The following ZNF518A variants were observed in gnomAD, a reference collection of about 807,000 sequenced individuals.
ZNF518A encodes zinc finger protein 518A.
In ZNF518A, 47 loss-of-function variants were observed where a neutral mutation model predicts 102.7. The observed-to-expected ratio is 0.46, with a 90% confidence interval of 0.36 to 0.58. The LOEUF is 0.58. Among genes scored for constraint, ZNF518A ranks in the 20% least tolerant of loss-of-function variants. ZNF518A has a pLI of 0.00. For synonymous variants in ZNF518A, 652 were observed against 594.6 expected (o/e 1.10, Z -1.40); for missense variants, 1,793 against 1,699.8 (o/e 1.05, Z -0.96).
At chr10:96,143,001 T>C (rs1268051491) in intron 3 of ZNF518A, among the ~76,000 whole-genome samples, 3 of 152,076 alleles carry the variant, frequency 2.0e-5, no homozygotes, top group African/African-American at 7.2e-5. Context: ...ACAGATGGGG[T>C]TTCGCCATGT....
chr10:96,190,218 A>G, intron 1 of ZNF518A: 3 of 763,370 alleles, frequency 3.9e-6, no homozygotes, highest in South Asian at 1.3e-5. Context: ...CGAATCTTCC[A>G]TCAGGTGGCG....
upstream of ZNF518A, chr10:96,130,068 G>A (rs1449936885): frequency 2.0e-5 from 3 of 152,818 alleles, no homozygotes; most frequent in African/African-American, 4.8e-5. Flanking sequence ...TACCCGGATG[G>A]AAGTGTAATG....
intron 1 of ZNF518A, among the ~76,000 whole-genome samples, chr10:96,201,567 G>A (rs1300421715): frequency 1.3e-5 from 2 of 152,024 alleles, no homozygotes; most frequent in African/African-American, 2.4e-5. Flanking sequence ...AAAATACTAG[G>A]TATCAATAGA....
At chr10:96,175,892 TTCCTTCCTTCC>T (rs1554891410) in intron 1 of ZNF518A, among the ~76,000 whole-genome samples, 1 of 66,342 alleles carries the variant, frequency 1.5e-5, no homozygotes, top group African/African-American at 4.6e-5. Context: ...CCTTCCTTCC[TTCCTTCCTTCC>T]TTCCTTCCTT....
Position 96,160,082 on chromosome 10 carries a change from A to AT in ZNF518A, c.3766dup (p.Ser1256PhefsTer9). 1.2e-6 allele frequency: 2 copies of AT among 1,608,110 alleles called. No homozygotes were observed. ...CAATAGAAAAAAGACTTCCAAAAAA[A>AT]TTTTTTCAAAAACAAAAACTCATGG... On this transcript the variant is annotated frameshift_variant, in exon 6 of 6. Transcript: ENST00000316045. LOFTEE classifies it high-confidence loss of function.
At chr10:96,198,155 G>C (rs151050761) in intron 1 of ZNF518A, among the ~76,000 whole-genome samples, 1 of 152,126 alleles carries the variant, frequency 6.6e-6, no homozygotes, top group African/African-American at 2.4e-5. Flanking sequence ...CAAGGGACGA[G>C]AGCTTCAAAT....
chr10:96,137,921 T>C (rs892216003), intron 3 of ZNF518A, among the ~76,000 whole-genome samples: 2 of 152,184 alleles, frequency 1.3e-5, no homozygotes, highest in Non-Finnish European at 2.9e-5. Flanking sequence ...ATGGAACTTT[T>C]GATAAACTTT....
chr10:96,136,018 T>G (rs1256490360), intron 3 of ZNF518A, among the ~76,000 whole-genome samples: 6 of 152,116 alleles, frequency 3.9e-5, no homozygotes, highest in Non-Finnish European at 8.8e-5. Flanking sequence ...TGATCCAGGT[T>G]GGAGTGGAGA....
At chr10:96,130,945 T>G (rs2081304286) in intron 1 of ZNF518A, 193 bp downstream of exon 1, 1 of 152,174 alleles carries the variant, frequency 6.6e-6, no homozygotes, top group African/African-American at 2.4e-5. Context: ...GAAAAATGTT[T>G]TAACTCTTAA....
At chr10:96,140,520 CAG>C (rs2081864867) in intron 3 of ZNF518A, among the ~76,000 whole-genome samples, 1 of 152,064 alleles carries the variant, frequency 6.6e-6, no homozygotes, top group Admixed American at 6.6e-5. Flanking sequence ...AAATGACAAA[CAG>C]AAAAAGAAAA....
In ZNF518A at chr10:96,159,000, A is replaced by G. The variant is rs782696985; in HGVS notation, c.2678A>G (p.Asp893Gly). 1 of 1,613,594 alleles carries G rather than the reference A, an allele frequency of 6.2e-7. No individual in the cohort carries two copies. Among genetic ancestry groups the G allele is most frequent in the African/African-American group, 1.3e-5 (1 of 74,926 alleles). ...GFGTLLKTQS[D>G]AIITQQLVKD... ...GGCACATTACTTAAGACTCAGTCAG[A>G]TGCGATAATAACACAGCAGCTTGTA... is the stretch of plus-strand genomic sequence containing the variant. The change falls in exon 6 of 6, where the codon GAT becomes GGT. Residue 893 changes from aspartate to glycine, a missense_variant. By Grantham distance (94) the Asp-to-Gly change is moderately conservative. Around this residue, in one of 3 missense-constraint regions of ZNF518A, gnomAD observed 1,741 missense variants for 1,622.6 expected, o/e 1.07. Coordinates refer to ENST00000316045, the MANE Select transcript of ZNF518A (RefSeq NM_001330736.2).
At chr10:96,186,786 G>C (rs11188654) in intron 1 of ZNF518A, among the ~76,000 whole-genome samples, 9,240 of 152,282 alleles carry the variant, frequency 0.061, 374 homozygotes, top group South Asian at 0.15. Flanking sequence ...GTAAAGCTGG[G>C]ATTAGAATTA....
intron 3 of ZNF518A, among the ~76,000 whole-genome samples, chr10:96,146,844 G>C (rs1189795916): frequency 1.3e-5 from 2 of 152,164 alleles, no homozygotes; most frequent in African/African-American, 4.8e-5. Context: ...TTGGTAGCAA[G>C]CCTAAATCTG....
rs1554883609 is a variant in ZNF518A at position 96,157,590 on chromosome 10, C to G, written c.1268C>G (p.Thr423Arg). Residue 423 changes from threonine to arginine, a missense_variant, in exon 6 of 6, where the codon ACA becomes AGA. Coordinates refer to ENST00000316045, the MANE Select transcript of ZNF518A (RefSeq NM_001330736.2). Reference sequence around the variant, plus strand: ...ATGAAGACTGCTGTACTAGGACCTACACTGAAAAATGTAATGATGAAAAAT... The same window carrying G: ...ATGAAGACTGCTGTACTAGGACCTAGACTGAAAAATGTAATGATGAAAAAT... ...GFMKTAVLGP[T>R]LKNVMMKNNK... 6.2e-7 allele frequency: 1 copy of G among 1,613,820 alleles called. No individual in the cohort carries two copies. Among genetic ancestry groups the G allele is most frequent in the South Asian group, 1.1e-5 (1 of 91,074 alleles).
chr10:96,156,224 T>C lies in ZNF518A; in HGVS notation c.-99T>C. 1.8e-6 allele frequency: 2 copies of C among 1,142,398 alleles called. No homozygotes were observed. Among genetic ancestry groups the C allele is most frequent in the Non-Finnish European group, 2.4e-6 (2 of 844,556 alleles). The allele number at this position is 1,142,398 out of a possible 1,614,324, so 70.8% of individuals were successfully genotyped here. ...GAGTTATTGTGGGAAAAATCCTGTA[T>C]ATTGAAGATGTCTCTACACAGTATC... is the stretch of plus-strand genomic sequence containing the variant. On this transcript the variant is annotated 5_prime_UTR_variant, in exon 6 of 6. Coordinates refer to ENST00000316045, the MANE Select transcript of ZNF518A (RefSeq NM_001330736.2).
intron 3 of ZNF518A, among the ~76,000 whole-genome samples, chr10:96,152,521 A>G (rs2082499262): frequency 6.6e-6 from 1 of 152,256 alleles, no homozygotes; most frequent in South Asian, 2.1e-4. Flanking sequence ...GTATTAGTCA[A>G]GAGTTCTCCA....
In ZNF518A at chr10:96,140,318, C is replaced by G. The variant is rs369320038; in HGVS notation, c.-302+6670C>G. On this transcript the variant is annotated intron_variant, in intron 3 of 5. Transcript: ENST00000316045. ...TGGGGACATCCAGGGAGTGTAACTT[C>G]TAATCATGGAGGCAGGTGCTGTGTA... Among the ~76,000 whole-genome samples the G allele has an allele frequency of 2.6e-5, 4 of 152,236 alleles. No individual in the cohort carries two copies. In the East Asian group the frequency reaches 7.7e-4, roughly 29 times the overall value.
intron 3 of ZNF518A, among the ~76,000 whole-genome samples, chr10:96,134,511 G>T (rs1209778356): frequency 6.6e-6 from 1 of 152,232 alleles, no homozygotes; most frequent in African/African-American, 2.4e-5. Context: ...TGGGATTACA[G>T]GGGTGAGCCA....
At chr10:96,191,804 C>A in intron 1 of ZNF518A, 1 of 835,004 alleles carries the variant, frequency 1.2e-6, no homozygotes, top group Non-Finnish European at 1.9e-6. Context: ...AACAAGTCCA[C>A]ATGAGCTTCT....
Sources: allele counts gnomAD v4.1 joint callset (sites outside exome capture counted in the v4.1 genomes callset), GRCh38; gene constraint gnomAD v4.1.1; regional missense constraint gnomAD v4.1.1; transcripts MANE v1.5; gene names NCBI Gene and HGNC (gene_info 2026-07-23, HGNC 2026-07-21).